Variants in PDE2A observed in about 807,000 individuals in gnomAD.
PDE2A encodes the protein cGMP-dependent 3',5'-cyclic phosphodiesterase.
A neutral mutation model predicts 133.6 loss-of-function variants in PDE2A; 53 were observed. The observed-to-expected ratio is 0.40, with a 90% CI of 0.32 to 0.50. The LOEUF is 0.50. Ranked by LOEUF, PDE2A falls within the 20% of genes least tolerant of loss-of-function variation. PDE2A has a pLI of 0.73. For synonymous variants in PDE2A, 491 were observed against 490.2 expected, an observed-to-expected ratio of 1.00 and a Z score of -0.02; for missense variants, 796 against 1,232.4, an observed-to-expected ratio of 0.65 and a Z score of 5.30.
At position 72,597,655 on chromosome 11, in the gene PDE2A, C is replaced by T. The variant is rs758002166; in HGVS notation, c.324-36G>A. ...GACATGATGCCACCTTGAGAGCCCCCGACTCAGGGAGGAACGAGGCCTGGC... is the reference window on the plus strand; with the variant it reads ...GACATGATGCCACCTTGAGAGCCCCTGACTCAGGGAGGAACGAGGCCTGGC... On this transcript the variant is annotated intron_variant, in intron 4 of 30. Coordinates refer to ENST00000334456, the MANE Select transcript of PDE2A (RefSeq NM_002599.5). The surrounding 1 kb of genome is among the most constrained non-coding windows in gnomAD (Gnocchi z 4.6). The T allele has an allele frequency of 4.9e-6, 7 of 1,417,664 alleles. No homozygotes were observed. The highest frequency in any genetic ancestry group is 1.4e-5 in the African/African-American group (1 of 71,312). 87.8% of individuals were successfully genotyped at this position (1,417,664 alleles called of 1,614,324 possible).
At chr11:72,584,995 G>A in intron 16 of PDE2A, 51 bp from the exon 17 acceptor site, 1 of 1,558,128 alleles carries the variant, frequency 6.4e-7, no homozygotes. Context: ...CCCTCTGATC[G>A]CCCTCACGTC....
At chr11:72,654,061 TGAG>T (rs1337158718) in intron 1 of PDE2A, among the ~76,000 whole-genome samples, 1 of 152,138 alleles carries the variant, frequency 6.6e-6, no homozygotes, top group Non-Finnish European at 1.5e-5. Context: ...CCAGAGTGAA[TGAG>T]GAGATTACAG....
At chr11:72,636,484 G>A (rs900531350) in intron 2 of PDE2A, among the ~76,000 whole-genome samples, 2 of 152,134 alleles carry the variant, frequency 1.3e-5, no homozygotes, top group African/African-American at 4.8e-5. Context: ...CCCTGGGCCG[G>A]CTTCAGGTCT....
chr11:72,606,602 G>A (rs960012570), intron 3 of PDE2A, among the ~76,000 whole-genome samples: 2 of 152,226 alleles, frequency 1.3e-5, no homozygotes, highest in South Asian at 2.1e-4. Flanking sequence ...TGGCTGGAAG[G>A]AAACCTAAGT....
chr11:72,619,161 A>G (rs1857624026), intron 2 of PDE2A, among the ~76,000 whole-genome samples: 1 of 152,200 alleles, frequency 6.6e-6, no homozygotes, highest in Non-Finnish European at 1.5e-5. Context: ...CAAAGCCTTG[A>G]AAAGATGATG....
chr11:72,629,392 T>C (rs1053233163), intron 2 of PDE2A, among the ~76,000 whole-genome samples: 3 of 152,206 alleles, frequency 2.0e-5, no homozygotes, highest in Non-Finnish European at 4.4e-5. Context: ...CCTCTTCTTG[T>C]GGCTCCCTGG....
chr11:72,584,317 G>C lies in PDE2A; in HGVS notation c.1538-4C>G. The C allele has an allele frequency of 6.3e-7, 1 of 1,590,524 alleles. No individual in the cohort carries two copies. Among genetic ancestry groups the C allele is most frequent in the Non-Finnish European group, 8.6e-7 (1 of 1,158,752 alleles). On this transcript the variant is annotated splice_polypyrimidine_tract_variant and splice_region_variant and intron_variant, in intron 18 of 30. Transcript: ENST00000334456. ...AGCTCGGCCACACCGATGACCTCTGGGGAAGGGAGAGGGGCAAGGAACCAC... is the reference window on the plus strand; with the variant it reads ...AGCTCGGCCACACCGATGACCTCTGCGGAAGGGAGAGGGGCAAGGAACCAC...
intron 3 of PDE2A, among the ~76,000 whole-genome samples, chr11:72,608,189 C>A (rs921550918): frequency 2.6e-5 from 4 of 152,138 alleles, no homozygotes; most frequent in African/African-American, 7.2e-5. Flanking sequence ...ATTTTTCCAG[C>A]CTCCCATCTC....
At chr11:72,610,780 C>T (rs1857175626) in intron 2 of PDE2A, among the ~76,000 whole-genome samples, 1 of 152,202 alleles carries the variant, frequency 6.6e-6, no homozygotes, top group Admixed American at 6.5e-5. Flanking sequence ...CCACAGATCC[C>T]ACGTCCTCGC....
chr11:72,620,748 A>C (rs1218803711), intron 2 of PDE2A, among the ~76,000 whole-genome samples: 2 of 152,026 alleles, frequency 1.3e-5, no homozygotes, highest in African/African-American at 2.4e-5. Context: ...TAATTGGATG[A>C]GGCTGCAGGA....
At chr11:72,641,658 G>A (rs1295377627) in intron 2 of PDE2A, among the ~76,000 whole-genome samples, 1 of 152,250 alleles carries the variant, frequency 6.6e-6, no homozygotes, top group Non-Finnish European at 1.5e-5. Flanking sequence ...ACACAGGAGG[G>A]AGGGAAGGGA....
At chr11:72,605,890 G>C (rs1307047745) in intron 3 of PDE2A, among the ~76,000 whole-genome samples, 6 of 152,160 alleles carry the variant, frequency 3.9e-5, no homozygotes, top group African/African-American at 1.4e-4. Flanking sequence ...GGCGTATAAA[G>C]CATGGAGCAT....
chr11:72,591,403 T>C, intron 6 of PDE2A, 47 bp from the exon 7 acceptor site: 2 of 1,499,352 alleles, frequency 1.3e-6, no homozygotes, highest in Non-Finnish European at 9.3e-7. Context: ...TCTCAGTGTC[T>C]GTCTCTGCCA....
chr11:72,583,471 G>T lies in PDE2A; in HGVS notation c.1695C>A (p.His565Gln), dbSNP rs1855814026. Reference protein sequence around the residue: ...KKVNEAQYRSHLANEMMMYHM... With the variant: ...KKVNEAQYRSQLANEMMMYHM... The stretch of plus-strand genomic sequence containing the variant: ...GGTACATCATCATCTCATTGGCCAG[G>T]TGGCTGCGATACTGAGCCTCATTCA... Residue 565 changes from histidine (H) to glutamine (Q), a missense_variant, in exon 20 of 31, where the codon CAC becomes CAA. By Grantham distance (24) the His-to-Gln change is conservative. Transcript: ENST00000334456. The T allele has an allele frequency of 1.2e-6, 2 of 1,613,204 alleles. No individual in the cohort carries two copies. The highest frequency in any genetic ancestry group is 8.5e-7 in the Non-Finnish European group (1 of 1,179,176).
chr11:72,579,485 C>G, intron 26 of PDE2A, 49 bp downstream of exon 26: 1 of 1,559,600 alleles, frequency 6.4e-7, no homozygotes, highest in East Asian at 2.3e-5. Context: ...CCACCTCCAG[C>G]CAGCTCCCAG....
At chr11:72,622,737 G>A (rs1304888414) in intron 2 of PDE2A, among the ~76,000 whole-genome samples, 1 of 152,216 alleles carries the variant, frequency 6.6e-6, no homozygotes, top group East Asian at 1.9e-4. Context: ...CAGAGTTTCA[G>A]TTTGAGAAGA....
chr11:72,594,769 T>G (rs578032086), intron 6 of PDE2A, among the ~76,000 whole-genome samples: 8 of 152,164 alleles, frequency 5.3e-5, no homozygotes, highest in African/African-American at 1.9e-4. Flanking sequence ...TCCCTGCCTG[T>G]GGACCTCCTA....
rs141849669 is a variant in PDE2A, at chr11:72,589,175, G to A, written c.939C>T (p.Ser313=). ...KKSIQLKDLT[S]EDVQQLQSML... is the part of the protein sequence containing the mutation. ...CTGGGTCAGCCAGGCCATGACTTAC[G>A]GAGGTGAGGTCCTTCAGCTGGATGG... is the stretch of plus-strand genomic sequence containing the variant. Residue 313 remains serine (S), a splice_region_variant and synonymous_variant, in exon 12 of 31, where the codon TCC becomes TCT. Coordinates refer to ENST00000334456, the MANE Select transcript of PDE2A (RefSeq NM_002599.5). 4.0e-4 allele frequency: 642 copies of A among 1,612,656 alleles called. 2 individuals are homozygous for A. The highest frequency in any genetic ancestry group is 5.0e-4 in the Middle Eastern group (3 of 6,058).
chr11:72,657,520 C>T lies in PDE2A; in HGVS notation c.72-15194G>A, dbSNP rs529761087. On this transcript the variant is annotated intron_variant, in intron 1 of 30. Coordinates refer to ENST00000334456, the MANE Select transcript of PDE2A (RefSeq NM_002599.5). ...CTCAGGCCCCAGCCCCGCTCACACA[C>T]GCCAGTACAAAGGCCCAGAGCCAAA... 1.9e-3 allele frequency among the ~76,000 whole-genome samples: 289 copies of T among 152,270 alleles called. 1 individual carries two copies. The highest frequency in any genetic ancestry group is 3.4e-3 in the Non-Finnish European group (233 of 68,010).
Sources: gnomAD v4.1 joint callset for allele counts (sites outside exome capture counted in the v4.1 genomes callset) on GRCh38, gnomAD v4.1.1 for gene constraint, Gnocchi (gnomAD v3.1) non-coding constraint, MANE v1.5 for transcripts, NCBI Gene and HGNC (gene_info 2026-07-23, HGNC 2026-07-21) for gene names.